Variants in SYK observed in about 807,000 individuals in gnomAD.
SYK encodes spleen associated tyrosine kinase, also known as tyrosine-protein kinase SYK.
Under a neutral mutation model 77.8 loss-of-function variants are expected in SYK, and 16 were observed. The observed-to-expected ratio is 0.21, with a 90% CI of 0.14 to 0.31. The LOEUF is 0.31. SYK is among the 10% of genes least tolerant of loss of function. The pLI, the probability that SYK is intolerant of heterozygous loss-of-function variation, is 1.00. For missense variants in SYK, 529 were observed against 814.4 expected, an observed-to-expected ratio of 0.65 and a Z score of 4.26; for synonymous variants, 312 against 308.7, an observed-to-expected ratio of 1.01 and a Z score of -0.11.
In SYK at chr9:90,895,725, T is replaced by G. The variant is rs1184776812; in HGVS notation, c.*125T>G. ...GGGAGAGCCAGGCTTGGATGGAACATGCCCACAACTTGTCACCCAAAGCCT... is the reference window on the plus strand; with the variant it reads ...GGGAGAGCCAGGCTTGGATGGAACAGGCCCACAACTTGTCACCCAAAGCCT... On this transcript the variant is annotated 3_prime_UTR_variant, in exon 14 of 14. Transcript: ENST00000375754. This position sits in a 1 kb window ranked among gnomAD's most constrained non-coding sequence, Gnocchi z 4.4. The G allele has an allele frequency of 2.4e-6, 2 of 842,598 alleles. No homozygotes were observed. The highest frequency in any genetic ancestry group is 3.8e-6 in the Non-Finnish European group (2 of 525,080). The allele number at this position is 842,598 out of a possible 1,614,324, so 52.2% of individuals were successfully genotyped here. A position where few individuals can be genotyped will look rare whatever the true frequency, so the allele number is the denominator to read the frequency against.
intron 1 of SYK, among the ~76,000 whole-genome samples, chr9:90,820,400 C>T (rs12352142): frequency 0.013 from 1,906 of 152,366 alleles, 45 homozygotes; most frequent in African/African-American, 0.043. Flanking sequence ...GCCTGGTCAT[C>T]CAGGCATTTT....
At chr9:90,816,723 C>CA (rs1412549454) in intron 1 of SYK, among the ~76,000 whole-genome samples, 1 of 152,170 alleles carries the variant, frequency 6.6e-6, no homozygotes, top group Non-Finnish European at 1.5e-5. Flanking sequence ...CCCTGGTAAC[C>CA]ACTATTTTGT....
chr9:90,888,603 T>C lies in SYK; in HGVS notation c.1811T>C (p.Leu604Pro). 1 of 1,608,792 alleles carries C rather than the reference T, an allele frequency of 6.2e-7. No individual in the cohort carries two copies. The highest frequency in any genetic ancestry group is 8.5e-7 in the Non-Finnish European group (1 of 1,177,760). Reference sequence around the variant, plus strand: ...GGGTGTCCAAGAGAGATGTACGATCTCATGAATCTGTGCTGGACATACGAG... The same window carrying C: ...GGGTGTCCAAGAGAGATGTACGATCCCATGAATCTGTGCTGGACATACGAG... Reference protein sequence around the residue: ...PAGCPREMYDLMNLCWTYDVE... With the variant: ...PAGCPREMYDPMNLCWTYDVE... Residue 604 changes from leucine (L) to proline (P), a missense_variant, in exon 13 of 14, where the codon CTC (leucine) becomes CCC (proline). Coordinates refer to ENST00000375754, the MANE Select transcript of SYK (RefSeq NM_003177.7).
At chr9:90,864,506 A>G in intron 4 of SYK, 83 bp from the exon 5 acceptor site, 2 of 1,244,334 alleles carry the variant, frequency 1.6e-6, no homozygotes, top group South Asian at 1.2e-5. Flanking sequence ...CGAAAGCCCA[A>G]CAGTCAGTCA....
rs538592127 is a variant in SYK, at chr9:90,833,362, A to G, written c.-41-10496A>G. ...ACGTACTTACACTAATGGAGTGTCT[A>G]TTCTAGTGGCTTTGGGGAATATAGA... On this transcript the variant is annotated intron_variant, in intron 1 of 13. Coordinates refer to ENST00000375754, the MANE Select transcript of SYK (RefSeq NM_003177.7). 1.1e-4 allele frequency among the ~76,000 whole-genome samples: 17 copies of G among 152,342 alleles called. No homozygotes were observed. The South Asian group carries it at 3.1e-3, about 28-fold the overall frequency.
chr9:90,870,024 C>G (rs895913293), intron 7 of SYK, among the ~76,000 whole-genome samples: 2 of 152,190 alleles, frequency 1.3e-5, no homozygotes, highest in Non-Finnish European at 2.9e-5. Context: ...AGGAAAATCA[C>G]TTAAGCCTGG....
chr9:90,890,185 G>A lies in SYK; in HGVS notation c.1835+1558G>A, dbSNP rs192037817. Among the ~76,000 whole-genome samples the A allele has an allele frequency of 1.6e-4, 25 of 152,310 alleles. No homozygotes were observed. The East Asian group carries it at 4.1e-3, about 25-fold the overall frequency. On this transcript the variant is annotated intron_variant, in intron 13 of 13. Transcript: ENST00000375754. ...GGTGGGTGGGAAGAGAGCAGGGTGC[G>A]CAGCCAGGGGCACCACCTCCCACTT...
chr9:90,890,773 G>A (rs142980877), intron 13 of SYK, among the ~76,000 whole-genome samples: 5 of 152,356 alleles, frequency 3.3e-5, no homozygotes, highest in African/African-American at 1.2e-4. Context: ...GGTTGGGGGA[G>A]GTGGGGAGAT....
chr9:90,869,905 C>T (rs10993736), intron 7 of SYK, among the ~76,000 whole-genome samples: 11,020 of 152,140 alleles, frequency 0.072, 435 homozygotes, highest in East Asian at 0.12. Context: ...GTCAGGAGTT[C>T]AAGACTAGCC....
At chr9:90,894,172 CCT>C (rs568094081) in intron 13 of SYK, among the ~76,000 whole-genome samples, 21 of 152,302 alleles carry the variant, frequency 1.4e-4, no homozygotes, top group African/African-American at 5.1e-4. Flanking sequence ...AGCAGAGCCC[CCT>C]GTTTTGCAAA....
intron 1 of SYK, among the ~76,000 whole-genome samples, chr9:90,809,653 A>G (rs983340722): frequency 6.6e-6 from 1 of 152,234 alleles, no homozygotes; most frequent in Non-Finnish European, 1.5e-5. Flanking sequence ...GAGAGACTCA[A>G]GTGAGAAGAG....
chr9:90,865,075 A>T lies in SYK; in HGVS notation c.824A>T (p.Gln275Leu). ...QGNVNFGGRP[Q>L]LPGSHPATWS... ...AATGTTAATTTTGGAGGCCGTCCAC[A>T]ACTTCCAGGTTCCCATCCTGCGGTA... is the stretch of plus-strand genomic sequence containing the variant. Residue 275 changes from glutamine to leucine, a missense_variant, in exon 6 of 14, where the codon CAA (glutamine) becomes CTA (leucine). Physicochemically the swap from Gln to Leu is moderately radical, Grantham distance 113 (BLOSUM62 -2). This residue lies in a region of SYK where 321 missense variants were observed against 433.1 expected (regional missense o/e 0.74). Coordinates refer to ENST00000375754, the MANE Select transcript of SYK (RefSeq NM_003177.7). 1 of 1,614,158 alleles carries T rather than the reference A, an allele frequency of 6.2e-7. No individual in the cohort carries two copies. Among genetic ancestry groups the T allele is most frequent in the South Asian group, 1.1e-5 (1 of 91,082 alleles).
At chr9:90,893,466 CAG>C (rs1364602781) in intron 13 of SYK, among the ~76,000 whole-genome samples, 1 of 151,940 alleles carries the variant, frequency 6.6e-6, no homozygotes, top group African/African-American at 2.4e-5. Context: ...TAGAGACAGA[CAG>C]AGAGAGCGGG....
intron 1 of SYK, among the ~76,000 whole-genome samples, chr9:90,843,104 G>T (rs1254325345): frequency 6.6e-6 from 1 of 152,178 alleles, no homozygotes; most frequent in Non-Finnish European, 1.5e-5. Context: ...CCTGCAGATG[G>T]GAAGTGGCGT....
At chr9:90,888,688 G>A in intron 13 of SYK, 61 bp downstream of exon 13, 2 of 1,282,682 alleles carry the variant, frequency 1.6e-6, no homozygotes, top group South Asian at 1.5e-5. Flanking sequence ...GAAATGGTTG[G>A]GCGTCTAAAA....
intron 2 of SYK, 141 bp downstream of exon 2, chr9:90,844,456 C>CA: frequency 6.3e-6 from 6 of 946,076 alleles, no homozygotes; most frequent in Non-Finnish European, 9.1e-6. Context: ...CAATTTTGGC[C>CA]AAAAAATGCC....
intron 4 of SYK, among the ~76,000 whole-genome samples, chr9:90,863,120 A>G (rs1381570346): frequency 6.6e-6 from 1 of 152,248 alleles, no homozygotes; most frequent in Non-Finnish European, 1.5e-5. Context: ...CAGTGAGCAC[A>G]GATTGCTTGT....
chr9:90,849,121 G>A (rs376861278), intron 3 of SYK, among the ~76,000 whole-genome samples: 3 of 152,218 alleles, frequency 2.0e-5, no homozygotes, highest in African/African-American at 7.2e-5. Context: ...GGGCAAGTTG[G>A]GGGGGCTGTC....
At chr9:90,880,219 C>T (rs1828097099) in intron 11 of SYK, among the ~76,000 whole-genome samples, 1 of 152,176 alleles carries the variant, frequency 6.6e-6, no homozygotes, top group Non-Finnish European at 1.5e-5. Flanking sequence ...AGTCCATGGA[C>T]TGGTAGGTGA....
Sources: allele counts gnomAD v4.1 joint callset (sites outside exome capture counted in the v4.1 genomes callset), GRCh38; gene constraint gnomAD v4.1.1; regional missense constraint gnomAD v4.1.1; non-coding constraint Gnocchi (gnomAD v3.1); transcripts MANE v1.5; gene names NCBI Gene and HGNC (gene_info 2026-07-23, HGNC 2026-07-21).